Variants in NRXN1 observed in about 807,000 individuals in gnomAD.
NRXN1 encodes neurexin 1.
Under a neutral mutation model 150.9 loss-of-function variants are expected in NRXN1, and 39 were observed. The observed-to-expected ratio is 0.26, with a 90% CI of 0.20 to 0.34. NRXN1 has a LOEUF of 0.34. Among genes scored for constraint, NRXN1 ranks in the 10% least tolerant of loss-of-function variants. The pLI is 1.00. For synonymous variants in NRXN1, 924 were observed against 757.0 expected (o/e 1.22, Z -3.62); for missense variants, 1,815 against 1,949.9 (o/e 0.93, Z 1.30).
chr2:50,877,673 C>T (rs1302768103), intron 5 of NRXN1, among the ~76,000 whole-genome samples: 2 of 151,852 alleles, frequency 1.3e-5, no homozygotes. Context: ...GACTATACTA[C>T]ATTAATAGTA....
At chr2:50,495,511 C>G (rs1325506696) in intron 15 of NRXN1, among the ~76,000 whole-genome samples, 1 of 151,666 alleles carries the variant, frequency 6.6e-6, no homozygotes. Context: ...ATCCAGGAAA[C>G]CTTACCAAGG....
At chr2:50,396,683 T>C (rs533247927) in intron 17 of NRXN1, among the ~76,000 whole-genome samples, 1 of 152,238 alleles carries the variant, frequency 6.6e-6, no homozygotes, top group East Asian at 1.9e-4. Context: ...TGTTTAAGTA[T>C]AACCATAAAG....
At chr2:50,430,065 T>C (rs1186347920) in intron 17 of NRXN1, among the ~76,000 whole-genome samples, 4 of 152,076 alleles carry the variant, frequency 2.6e-5, no homozygotes, top group Admixed American at 2.6e-4. Flanking sequence ...AATTTGAGAG[T>C]GGGAGAAAAA....
intron 17 of NRXN1, among the ~76,000 whole-genome samples, chr2:50,284,776 T>C (rs529080669): frequency 2.0e-5 from 3 of 152,218 alleles, no homozygotes; most frequent in African/African-American, 7.2e-5. Flanking sequence ...AAAATTTATA[T>C]ATTTATCACA....
intron 17 of NRXN1, among the ~76,000 whole-genome samples, chr2:50,381,770 C>T (rs998554120): frequency 6.6e-6 from 1 of 152,132 alleles, no homozygotes; most frequent in African/African-American, 2.4e-5. Context: ...GGTGCTTAAA[C>T]TAATTGTAGA....
At chr2:50,912,802 T>G (rs141322913) in intron 5 of NRXN1, 1 of 143,634 alleles carries the variant, frequency 7.0e-6, no homozygotes, top group Non-Finnish European at 1.5e-5. Flanking sequence ...AAAAAAGAAA[T>G]AAACTGGAAC....
At chr2:50,570,883 C>T (rs1263935388) in intron 8 of NRXN1, among the ~76,000 whole-genome samples, 1 of 152,084 alleles carries the variant, frequency 6.6e-6, no homozygotes, top group African/African-American at 2.4e-5. Context: ...TGATTTGGAT[C>T]AGGGAAAGGT....
chr2:50,051,569 A>G (rs1692715747), intron 21 of NRXN1, among the ~76,000 whole-genome samples: 1 of 152,120 alleles, frequency 6.6e-6, no homozygotes, highest in African/African-American at 2.4e-5. Context: ...GCAGTAACAA[A>G]TCATTAATGA....
At chr2:50,770,038 C>T (rs1702819208) in intron 5 of NRXN1, among the ~76,000 whole-genome samples, 1 of 152,036 alleles carries the variant, frequency 6.6e-6, no homozygotes, top group Non-Finnish European at 1.5e-5. Context: ...CCCTGTACAT[C>T]TAAGAAGAAC....
intron 21 of NRXN1, among the ~76,000 whole-genome samples, chr2:50,012,416 C>CA (rs1366067893): frequency 6.6e-6 from 1 of 152,030 alleles, no homozygotes; most frequent in Non-Finnish European, 1.5e-5. Flanking sequence ...ATAATTCATA[C>CA]AAAATATTAG....
chr2:50,017,577 A>C (rs1379817049), intron 21 of NRXN1, among the ~76,000 whole-genome samples: 3 of 152,176 alleles, frequency 2.0e-5, no homozygotes, highest in African/African-American at 7.2e-5. Context: ...CCTCAAGAAC[A>C]GCTCAATGAA....
rs933720101 is a variant in NRXN1, at chr2:50,347,392, G to A, written c.3365-110422C>T. ...CAGACATCCACCGCGAATCCACTAG[G>A]TAAATCCATTTAGCTTTGTGTGCGG... On this transcript the variant is annotated intron_variant, in intron 17 of 22. Coordinates refer to ENST00000401669, the MANE Select transcript of NRXN1 (RefSeq NM_001330078.2). This position sits in a 1 kb window ranked among gnomAD's most constrained non-coding sequence, Gnocchi z 4.9. The A allele has an allele frequency of 8.4e-6, 10 of 1,183,488 alleles. No homozygotes were observed. The African/African-American group carries it at 1.6e-4, about 19-fold the overall frequency. The allele number at this position is 1,183,488 out of a possible 1,614,324, so 73.3% of individuals were successfully genotyped here. A position where few individuals can be genotyped will look rare whatever the true frequency, so the allele number is the denominator to read the frequency against.
chr2:50,211,770 G>C (rs765278807), intron 18 of NRXN1, among the ~76,000 whole-genome samples: 4 of 151,430 alleles, frequency 2.6e-5, no homozygotes, highest in Non-Finnish European at 4.4e-5. Context: ...TACACTCTTG[G>C]TTATAAATAC....
chr2:49,948,650 A>C (rs1172150829), intron 21 of NRXN1, among the ~76,000 whole-genome samples: 1 of 152,020 alleles, frequency 6.6e-6, no homozygotes, highest in African/African-American at 2.4e-5. Flanking sequence ...AATTAACTGC[A>C]CAATTTTCTA....
At chr2:50,739,819 G>C (rs1005604647) in intron 5 of NRXN1, among the ~76,000 whole-genome samples, 13 of 152,224 alleles carry the variant, frequency 8.5e-5, no homozygotes, top group African/African-American at 3.1e-4. Flanking sequence ...TAAAAACTTA[G>C]TACATCAAAA....
intron 12 of NRXN1, among the ~76,000 whole-genome samples, chr2:50,515,869 T>C (rs2092616778): frequency 6.6e-6 from 1 of 152,112 alleles, no homozygotes; most frequent in Non-Finnish European, 1.5e-5. Context: ...CTGGCAGCAG[T>C]ACTTCCTACC....
chr2:50,743,528 TA>T, intron 5 of NRXN1, among the ~76,000 whole-genome samples: 1 of 152,160 alleles, frequency 6.6e-6, no homozygotes, highest in South Asian at 2.1e-4. Flanking sequence ...TAATAAGACT[TA>T]ATGTTAAGCA....
intron 17 of NRXN1, among the ~76,000 whole-genome samples, chr2:50,461,756 T>C (rs977871616): frequency 6.6e-6 from 1 of 151,828 alleles, no homozygotes; most frequent in Non-Finnish European, 1.5e-5. Context: ...GAGGGAAAAA[T>C]AATGTCAAGC....
chr2:50,426,116 T>C (rs1223561153), intron 17 of NRXN1, among the ~76,000 whole-genome samples: 1 of 152,208 alleles, frequency 6.6e-6, no homozygotes, highest in Non-Finnish European at 1.5e-5. Context: ...TGCTTCAAGG[T>C]AAACTGACCT....
Sources: gnomAD v4.1 joint callset for allele counts (sites outside exome capture counted in the v4.1 genomes callset) on GRCh38, gnomAD v4.1.1 for gene constraint, Gnocchi (gnomAD v3.1) non-coding constraint, MANE v1.5 for transcripts, NCBI Gene and HGNC (gene_info 2026-07-23, HGNC 2026-07-21) for gene names.